The following CTNNA2 variants were observed in gnomAD, a reference collection of about 807,000 sequenced individuals.
The protein encoded by CTNNA2 is catenin alpha-2.
CTNNA2 carries 42 observed loss-of-function variants against 101.0 expected under a neutral mutation model. The ratio of observed to expected loss-of-function variants is 0.42; its 90% CI spans 0.32 to 0.54. CTNNA2 has a LOEUF of 0.54. Ranked by LOEUF, CTNNA2 falls within the 20% of genes least tolerant of loss-of-function variation. The pLI is 0.14. For synonymous variants in CTNNA2, 450 were observed against 456.4 expected, an observed-to-expected ratio of 0.99 and a Z score of 0.18; for missense variants, 871 against 1,223.1, an observed-to-expected ratio of 0.71 and a Z score of 4.29.
intron 3 of CTNNA2, among the ~76,000 whole-genome samples, chr2:79,371,255 A>T (rs936299696): frequency 2.6e-5 from 4 of 152,018 alleles, no homozygotes; most frequent in African/African-American, 9.7e-5. Flanking sequence ...TGGAAGGAGC[A>T]CTTCTCTCAG....
chr2:79,831,720 G>T lies in CTNNA2; in HGVS notation c.299-26293G>T, dbSNP rs576101708. ...TTTGTAGATGGATTCTTTTGTTCTC[G>T]GTGTTTATTCACTGAGAGTACACAT... On this transcript the variant is annotated intron_variant, in intron 3 of 18. Transcript: ENST00000402739. Among the ~76,000 whole-genome samples, 5 of 147,648 alleles carry T rather than the reference G, an allele frequency of 3.4e-5. No individual in the cohort carries two copies. In the East Asian group the frequency reaches 1.0e-3, roughly 29 times the overall value.
chr2:80,404,135 G>C (rs1678833666), intron 8 of CTNNA2, among the ~76,000 whole-genome samples: 1 of 152,168 alleles, frequency 6.6e-6, no homozygotes, highest in Non-Finnish European at 1.5e-5. Context: ...AAATGAGGGT[G>C]TATGTGTCCA....
intron 3 of CTNNA2, among the ~76,000 whole-genome samples, chr2:79,781,195 T>C (rs1047171296): frequency 6.6e-6 from 1 of 152,218 alleles, no homozygotes; most frequent in African/African-American, 2.4e-5. Context: ...TTTTAGACCA[T>C]ACAGGATAAA....
chr2:79,455,423 T>C (rs151287540), intron 4 of CTNNA2, among the ~76,000 whole-genome samples: 75 of 152,202 alleles, frequency 4.9e-4, no homozygotes, highest in Non-Finnish European at 1.0e-3. Context: ...GCTGGCTGCA[T>C]CCCATGGCCA....
In CTNNA2 at chr2:80,574,252, G is replaced by C. The variant is rs867688583; in HGVS notation, c.1831G>C (p.Asp611His). 2 of 1,613,792 alleles carry C rather than the reference G, an allele frequency of 1.2e-6. No individual in the cohort carries two copies. Among genetic ancestry groups the C allele is most frequent in the African/African-American group, 1.3e-5 (1 of 75,038 alleles). The change falls in exon 13 of 19, where the codon GAT (aspartate) becomes CAT (histidine). Residue 611 changes from aspartate to histidine, a missense_variant. Asp to His is a moderately conservative substitution (Grantham distance 81). This residue lies in a region of CTNNA2 where 647 missense variants were observed against 831.5 expected (regional missense o/e 0.78). Transcript: ENST00000402739. ...ACCGTTTGAGGAGAATGAGTTCATCGATGCCTCTCGCCTGGTGTATGATGG... is the reference window on the plus strand; with the variant it reads ...ACCGTTTGAGGAGAATGAGTTCATCCATGCCTCTCGCCTGGTGTATGATGG... The part of the protein sequence containing the change: ...PQPFEENEFI[D>H]ASRLVYDGVR...
intron 2 of CTNNA2, among the ~76,000 whole-genome samples, chr2:79,670,662 T>A (rs1012725370): frequency 1.3e-5 from 2 of 152,218 alleles, no homozygotes; most frequent in African/African-American, 4.8e-5. Flanking sequence ...ATAATTTTAA[T>A]TTTTTAAAAA....
intron 6 of CTNNA2, among the ~76,000 whole-genome samples, chr2:79,896,284 C>CA (rs200678340): frequency 0.28 from 40,047 of 140,968 alleles, 5,365 homozygotes; most frequent in Admixed American, 0.34. Context: ...GACCCTGTCT[C>CA]AAAAAAAAAA....
intron 14 of CTNNA2, among the ~76,000 whole-genome samples, chr2:80,583,883 A>G (rs1024609972): frequency 6.6e-6 from 1 of 152,136 alleles, no homozygotes; most frequent in Non-Finnish European, 1.5e-5. Flanking sequence ...AGCATGAATT[A>G]TAAACAGGGT....
At chr2:80,140,174 C>G (rs1203326222) in intron 7 of CTNNA2, among the ~76,000 whole-genome samples, 1 of 152,212 alleles carries the variant, frequency 6.6e-6, no homozygotes, top group Non-Finnish European at 1.5e-5. Flanking sequence ...GAACAACAGT[C>G]AGGCACGAAA....
At chr2:79,623,730 TA>T (rs1352658605) in intron 1 of CTNNA2, among the ~76,000 whole-genome samples, 8 of 152,192 alleles carry the variant, frequency 5.3e-5, no homozygotes, top group African/African-American at 1.7e-4. Flanking sequence ...GTACAGTCTA[TA>T]AATATTATTT....
intron 2 of CTNNA2, among the ~76,000 whole-genome samples, chr2:79,261,082 A>G (rs1313988476): frequency 6.6e-6 from 1 of 152,206 alleles, no homozygotes; most frequent in Non-Finnish European, 1.5e-5. Flanking sequence ...ATGTAGATAC[A>G]GAAGAGGCAG....
At chr2:80,175,171 T>C (rs1367308673) in intron 7 of CTNNA2, among the ~76,000 whole-genome samples, 9 of 152,306 alleles carry the variant, frequency 5.9e-5, no homozygotes, top group Admixed American at 5.9e-4. Flanking sequence ...CCTTTGCGTA[T>C]GCTCTTCCCT....
In CTNNA2 at chr2:80,128,237, C is replaced by T. The variant is rs534921049; in HGVS notation, c.1056+218440C>T. ...GCCAGTCAGGCTGTGAAAACCGAAG[C>T]CTGGTGCTCTAATGGTGGAAAGGAA... is the stretch of plus-strand genomic sequence containing the variant. On this transcript the variant is annotated intron_variant, in intron 7 of 18. Transcript: ENST00000402739. Among the ~76,000 whole-genome samples the T allele has an allele frequency of 7.2e-5, 11 of 152,172 alleles. No homozygotes were observed. In the South Asian group the frequency reaches 1.5e-3, roughly 20 times the overall value.
intron 7 of CTNNA2, among the ~76,000 whole-genome samples, chr2:80,271,780 C>A (rs1030729002): frequency 3.9e-5 from 6 of 152,154 alleles, no homozygotes; most frequent in African/African-American, 1.4e-4. Flanking sequence ...CTTCAGAGGG[C>A]TGCCTCTAGT....
chr2:79,993,963 A>G (rs1574492735), intron 7 of CTNNA2, among the ~76,000 whole-genome samples: 1 of 152,098 alleles, frequency 6.6e-6, no homozygotes, highest in South Asian at 2.1e-4. Flanking sequence ...GAATGCAGTG[A>G]CACTATCACA....
chr2:80,279,636 A>T lies in CTNNA2; in HGVS notation c.1057-113575A>T, dbSNP rs1674207915. On this transcript the variant is annotated intron_variant, in intron 7 of 18. Transcript: ENST00000402739. ...ATGGCACCCACCAATGGGCAGAATG[A>T]AATACTGACCACAAAAAAGATTGTA... 2.0e-5 allele frequency among the ~76,000 whole-genome samples: 3 copies of T among 152,278 alleles called. No homozygotes were observed. The South Asian group carries it at 6.2e-4, about 32-fold the overall frequency.
At chr2:80,005,118 C>T (rs1292304939) in intron 7 of CTNNA2, among the ~76,000 whole-genome samples, 6 of 152,122 alleles carry the variant, frequency 3.9e-5, no homozygotes, top group Non-Finnish European at 8.8e-5. Flanking sequence ...TTGGAAGTAA[C>T]ACAGGAAAGA....
At chr2:80,328,984 C>T (rs1671074793) in intron 7 of CTNNA2, among the ~76,000 whole-genome samples, 1 of 152,156 alleles carries the variant, frequency 6.6e-6, no homozygotes, top group Non-Finnish European at 1.5e-5. Context: ...ATATGCAGTC[C>T]ACCATTGGCC....
chr2:79,884,342 C>T (rs919566625), intron 6 of CTNNA2, among the ~76,000 whole-genome samples: 33 of 152,100 alleles, frequency 2.2e-4, no homozygotes, highest in African/African-American at 6.3e-4. Flanking sequence ...TACCATATTG[C>T]CATATTTTCG....
Sources: gnomAD v4.1 joint callset for allele counts (sites outside exome capture counted in the v4.1 genomes callset) on GRCh38, gnomAD v4.1.1 for gene constraint, gnomAD v4.1.1 regional missense constraint, MANE v1.5 for transcripts, NCBI Gene and HGNC (gene_info 2026-07-23, HGNC 2026-07-21) for gene names.